SYNPO2: variants seen among roughly 807,000 people sequenced by gnomAD.
SYNPO2 encodes the protein synaptopodin-2.
SYNPO2 carries 56 observed loss-of-function variants against 85.0 expected under a neutral mutation model. That is an observed-to-expected ratio of 0.66 (90% CI 0.53 to 0.82). SYNPO2 has a LOEUF of 0.82. Ranked by LOEUF, SYNPO2 falls within the 40% of genes least tolerant of loss-of-function variation. SYNPO2 has a pLI of 0.00. For synonymous variants in SYNPO2, 602 were observed against 591.1 expected (o/e 1.02, Z -0.27); for missense variants, 1,575 against 1,534.2 (o/e 1.03, Z -0.44).
intron 1 of SYNPO2, among the ~76,000 whole-genome samples, chr4:118,880,165 G>A (rs975149348): frequency 2.5e-4 from 38 of 152,274 alleles, no homozygotes; most frequent in African/African-American, 7.5e-4. Flanking sequence ...CTCGGAATAA[G>A]AAGAAGGAGA....
chr4:118,857,268 A>G (rs1326639015), intron 1 of SYNPO2, among the ~76,000 whole-genome samples: 4 of 152,184 alleles, frequency 2.6e-5, no homozygotes, highest in African/African-American at 9.7e-5. Context: ...AAGAAACACT[A>G]AATGTGGGGA....
Position 119,030,774 on chromosome 4 carries a change from A to ATCG in SYNPO2, c.2000_2001insCGT (p.Ile667_Ala668insVal), listed in dbSNP as rs779257951. On this transcript the variant is annotated inframe_insertion, in exon 4 of 5. Coordinates refer to ENST00000307142, the MANE Select transcript of SYNPO2 (RefSeq NM_133477.3). Reference sequence around the variant, plus strand: ...AGCCTTTTACGATTCGTCTGAGCGAATAGCTTCCCGAGATGAGAGGATCTC... The same window carrying ATCG: ...AGCCTTTTACGATTCGTCTGAGCGAATCGTAGCTTCCCGAGATGAGAGGATCTC... 2 of 1,614,168 alleles carry ATCG rather than the reference A, an allele frequency of 1.2e-6. No individual in the cohort carries two copies. The highest frequency in any genetic ancestry group is 1.7e-6 in the Non-Finnish European group (2 of 1,180,032).
chr4:119,039,603 G>A (rs542458078), intron 4 of SYNPO2, among the ~76,000 whole-genome samples: 1 of 152,174 alleles, frequency 6.6e-6, no homozygotes, highest in East Asian at 1.9e-4. Context: ...GGTTTCTGTT[G>A]AACAAATTCC....
chr4:119,012,138 G>A (rs1435348845), intron 1 of SYNPO2, among the ~76,000 whole-genome samples: 3 of 151,904 alleles, frequency 2.0e-5, no homozygotes, highest in African/African-American at 4.8e-5. Context: ...GGCCAGGCTG[G>A]TCTTGAACTC....
intron 1 of SYNPO2, among the ~76,000 whole-genome samples, chr4:118,977,390 G>T (rs563451291): frequency 1.3e-5 from 2 of 152,220 alleles, no homozygotes; most frequent in African/African-American, 4.8e-5. Context: ...CAGCTGGCCC[G>T]CAAGCGCGGC....
chr4:118,942,215 A>T (rs1476883994), intron 1 of SYNPO2, among the ~76,000 whole-genome samples: 2 of 152,218 alleles, frequency 1.3e-5, no homozygotes, highest in Non-Finnish European at 2.9e-5. Flanking sequence ...GAATATAAAA[A>T]ACATGATTAA....
At chr4:118,931,707 A>G (rs1351347375) in intron 1 of SYNPO2, among the ~76,000 whole-genome samples, 2 of 152,128 alleles carry the variant, frequency 1.3e-5, no homozygotes, top group Admixed American at 6.5e-5. Flanking sequence ...TCCACACCCA[A>G]TCCATTACTA....
chr4:118,904,772 C>T (rs966676338), intron 1 of SYNPO2, among the ~76,000 whole-genome samples: 3 of 152,122 alleles, frequency 2.0e-5, no homozygotes, highest in South Asian at 4.1e-4. Context: ...TTTCATCAGT[C>T]GAGATCAAGC....
At chr4:119,035,931 T>A (rs181718164) in intron 4 of SYNPO2, 1 of 985,358 alleles carries the variant, frequency 1.0e-6, no homozygotes, top group East Asian at 1.1e-4. Flanking sequence ...GTCATTCGGC[T>A]GCTAAGAGGC....
intron 4 of SYNPO2, chr4:119,043,937 C>CAAAAAA (rs34238900): frequency 5.9e-5 from 4 of 67,872 alleles, no homozygotes; most frequent in Non-Finnish European, 1.0e-4. Flanking sequence ...GACTCCGTCT[C>CAAAAAA]AAAAAAAAAA....
intron 1 of SYNPO2, among the ~76,000 whole-genome samples, chr4:118,921,880 C>A (rs925888758): frequency 6.6e-6 from 1 of 152,032 alleles, no homozygotes; most frequent in African/African-American, 2.4e-5. Flanking sequence ...ACTTGATTAA[C>A]TTTTGTCACC....
chr4:118,887,542 C>T (rs1476589782), upstream of SYNPO2, among the ~76,000 whole-genome samples: 1 of 152,148 alleles, frequency 6.6e-6, no homozygotes, highest in Non-Finnish European at 1.5e-5. Context: ...GCTGCCCTCA[C>T]TCACTGATTC....
intron 1 of SYNPO2, among the ~76,000 whole-genome samples, chr4:118,949,761 A>G (rs893943954): frequency 6.6e-6 from 1 of 152,034 alleles, no homozygotes; most frequent in Non-Finnish European, 1.5e-5. Flanking sequence ...AAAATAAAAT[A>G]AAATAAAATA....
intron 4 of SYNPO2, chr4:119,036,953 C>G (rs1189143372): frequency 8.0e-7 from 1 of 1,248,492 alleles, no homozygotes; most frequent in Admixed American, 3.9e-5. Flanking sequence ...AAGCTAGACT[C>G]CTACAGGGTC....
intron 1 of SYNPO2, among the ~76,000 whole-genome samples, chr4:118,933,791 T>A (rs1344006459): frequency 6.6e-6 from 1 of 150,398 alleles, no homozygotes; most frequent in African/African-American, 2.4e-5. Flanking sequence ...ACTGTAGGAT[T>A]TCTAGATTGG....
intron 4 of SYNPO2, chr4:119,033,242 A>G (rs1424431021): frequency 3.0e-6 from 3 of 985,160 alleles, no homozygotes; most frequent in Non-Finnish European, 3.6e-6. Context: ...GATCTCACAG[A>G]TTTTTTTTCT....
chr4:118,988,956 T>C (rs989472748), intron 1 of SYNPO2, among the ~76,000 whole-genome samples: 1 of 152,172 alleles, frequency 6.6e-6, no homozygotes, highest in Non-Finnish European at 1.5e-5. Context: ...CTGGTACTTA[T>C]GGTGACCAAG....
In SYNPO2 at chr4:119,031,589, C is replaced by T. The variant is rs748697903; in HGVS notation, c.2814C>T (p.Leu938=). 1 of 1,614,134 alleles carries T rather than the reference C, an allele frequency of 6.2e-7. No homozygotes were observed. The highest frequency in any genetic ancestry group is 1.1e-5 in the South Asian group (1 of 91,072). ...IHSPSYPLAA[L]KSQPSAAQPS... is the part of the protein sequence containing the mutation. ...CGCCGTCTTACCCACTGGCTGCTCT[C>T]AAGTCTCAGCCATCAGCTGCACAGC... The change falls in exon 4 of 5, where the codon CTC becomes CTT. Residue 938 remains leucine (L), a synonymous_variant. Coordinates refer to ENST00000307142, the MANE Select transcript of SYNPO2 (RefSeq NM_133477.3).
intron 1 of SYNPO2, among the ~76,000 whole-genome samples, chr4:119,020,303 T>A (rs1560986838): frequency 6.6e-6 from 1 of 152,136 alleles, no homozygotes; most frequent in Non-Finnish European, 1.5e-5. Context: ...AGCAGTTGAT[T>A]GTGAATGTTG....
Sources: allele counts gnomAD v4.1 joint callset (sites outside exome capture counted in the v4.1 genomes callset), GRCh38; gene constraint gnomAD v4.1.1; transcripts MANE v1.5; gene names NCBI Gene and HGNC (gene_info 2026-07-23, HGNC 2026-07-21).